ANKMY2: variants seen among roughly 807,000 people sequenced by gnomAD.
ANKMY2 encodes ankyrin repeat and MYND domain containing 2, also known as ankyrin repeat and MYND domain-containing protein 2.
In ANKMY2, 36 loss-of-function variants were observed where a neutral mutation model predicts 50.4. The ratio of observed to expected loss-of-function variants is 0.71; its 90% confidence interval spans 0.55 to 0.94. The LOEUF is 0.94. Ranked by LOEUF, ANKMY2 falls within the 40% of genes least tolerant of loss-of-function variation. The pLI is 0.00. For synonymous variants in ANKMY2, 187 were observed against 178.8 expected (o/e 1.05, Z -0.36); for missense variants, 565 against 524.0 (o/e 1.08, Z -0.76).
intron 7 of ANKMY2, among the ~76,000 whole-genome samples, chr7:16,605,487 A>G (rs1781140442): frequency 6.6e-6 from 1 of 151,944 alleles, no homozygotes; most frequent in Admixed American, 6.6e-5. Context: ...AGGTTAAAAA[A>G]TATTTATAAT....
intron 4 of ANKMY2, among the ~76,000 whole-genome samples, chr7:16,622,542 G>A (rs764636919): frequency 2.0e-5 from 3 of 151,984 alleles, no homozygotes; most frequent in Non-Finnish European, 2.9e-5. Flanking sequence ...TTCAAGACCA[G>A]CCTGACCAAC....
intron 1 of ANKMY2, among the ~76,000 whole-genome samples, chr7:16,638,947 C>A (rs905828702): frequency 1.3e-5 from 2 of 152,096 alleles, no homozygotes; most frequent in Non-Finnish European, 2.9e-5. Flanking sequence ...CTTATTATAT[C>A]CTACATGTAC....
At chr7:16,609,265 A>G (rs1781207716) in intron 7 of ANKMY2, among the ~76,000 whole-genome samples, 1 of 152,142 alleles carries the variant, frequency 6.6e-6, no homozygotes, top group Non-Finnish European at 1.5e-5. Flanking sequence ...CTAGGTGATC[A>G]ATTCATACTT....
chr7:16,619,640 T>C (rs981757785), intron 4 of ANKMY2, among the ~76,000 whole-genome samples: 1 of 152,144 alleles, frequency 6.6e-6, no homozygotes. Context: ...ATGTTTGTAA[T>C]TGAAATTCTT....
intron 7 of ANKMY2, among the ~76,000 whole-genome samples, chr7:16,608,048 T>A (rs1781188892): frequency 6.6e-6 from 1 of 152,040 alleles, no homozygotes; most frequent in Non-Finnish European, 1.5e-5. Context: ...CTCGTAACCA[T>A]GAGATCATAA....
intron 7 of ANKMY2, among the ~76,000 whole-genome samples, chr7:16,605,641 G>GCGCCCGCCACTA (rs1313617869): frequency 6.7e-6 from 1 of 149,056 alleles, no homozygotes; most frequent in African/African-American, 2.5e-5. Flanking sequence ...GGGATTGCAG[G>GCGCCCGCCACTA]CGCCCGCCAC....
At chr7:16,645,158 C>T (rs990190828) in intron 1 of ANKMY2, among the ~76,000 whole-genome samples, 3 of 152,088 alleles carry the variant, frequency 2.0e-5, no homozygotes, top group African/African-American at 7.2e-5. Flanking sequence ...CAGGACTGAC[C>T]GCGGTCAAAA....
intron 7 of ANKMY2, among the ~76,000 whole-genome samples, chr7:16,607,491 C>T (rs999740877): frequency 5.3e-5 from 8 of 151,998 alleles, no homozygotes; most frequent in African/African-American, 1.9e-4. Flanking sequence ...TCGCTTGAAC[C>T]CGGAAGACTG....
chr7:16,602,378 A>C lies in ANKMY2; in HGVS notation c.1141+2T>G. The C allele has an allele frequency of 6.2e-7, 1 of 1,612,026 alleles. No homozygotes were observed. Among genetic ancestry groups the C allele is most frequent in the Non-Finnish European group, 8.5e-7 (1 of 1,179,552 alleles). On this transcript the variant is annotated splice_donor_variant, in intron 9 of 9. Coordinates refer to ENST00000306999, the MANE Select transcript of ANKMY2 (RefSeq NM_020319.3). LOFTEE classifies it high-confidence loss of function. ...GAGTGAACTCGGTTTTTATATACAT[A>C]CGGTTTTCCTCTTGTCTCTTTTCTT...
chr7:16,644,657 A>G, intron 1 of ANKMY2: 1 of 470,986 alleles, frequency 2.1e-6, no homozygotes. Flanking sequence ...GAGGGTGCAG[A>G]AGAAGCATGC....
intron 5 of ANKMY2, among the ~76,000 whole-genome samples, chr7:16,613,460 A>C (rs1162827653): frequency 6.6e-6 from 1 of 152,206 alleles, no homozygotes; most frequent in Non-Finnish European, 1.5e-5. Context: ...GGATAAAAGA[A>C]AAGGTTTCGA....
intron 8 of ANKMY2, chr7:16,603,591 T>C (rs1243132981): frequency 6.4e-6 from 3 of 471,050 alleles, no homozygotes; most frequent in Non-Finnish European, 1.3e-5. Flanking sequence ...ATATATTGTA[T>C]TATTGGCCCC....
intron 4 of ANKMY2, among the ~76,000 whole-genome samples, chr7:16,624,326 A>G (rs1344181218): frequency 1.3e-5 from 2 of 152,150 alleles, no homozygotes; most frequent in African/African-American, 2.4e-5. Flanking sequence ...CCAAAGAACA[A>G]GAATTCACTC....
intron 1 of ANKMY2, among the ~76,000 whole-genome samples, chr7:16,642,515 G>A (rs1205162296): frequency 6.6e-6 from 1 of 152,130 alleles, no homozygotes; most frequent in Non-Finnish European, 1.5e-5. Context: ...TGGCAGATGG[G>A]AATCACTTAA....
chr7:16,609,153 A>G (rs1159997611), intron 7 of ANKMY2, among the ~76,000 whole-genome samples: 1 of 152,208 alleles, frequency 6.6e-6, no homozygotes, highest in Non-Finnish European at 1.5e-5. Flanking sequence ...ATTAAGGTGG[A>G]TTATAGGAAG....
chr7:16,618,270 G>A (rs1273174236), intron 4 of ANKMY2, among the ~76,000 whole-genome samples: 9 of 152,056 alleles, frequency 5.9e-5, no homozygotes, highest in African/African-American at 2.2e-4. Context: ...TCAAGCCTGG[G>A]TAACAGACAC....
chr7:16,600,949 A>G lies in ANKMY2; in HGVS notation c.1142-4T>C. 3 of 1,575,732 alleles carry G rather than the reference A, an allele frequency of 1.9e-6. No individual in the cohort carries two copies. Among genetic ancestry groups the G allele is most frequent in the Non-Finnish European group, 2.6e-6 (3 of 1,160,486 alleles). On this transcript the variant is annotated splice_region_variant and splice_polypyrimidine_tract_variant and intron_variant, in intron 9 of 9. Transcript: ENST00000306999. ...GAATTGACATCAAGTTTGCCGTCTG[A>G]TTAAAAAAAGAAGAAGTTATTTTGT...
chr7:16,610,579 C>T lies in ANKMY2; in HGVS notation c.716G>A (p.Gly239Glu). 1 of 1,613,650 alleles carries T rather than the reference C, an allele frequency of 6.2e-7. No homozygotes were observed. ...GATCAAGGTGTCCAGTTTATTCTCT[C>T]CATCTTTTAAGAAGTTAATGCATTT... ...FQKCINFLKDGENKLDTLIKS... is the reference protein window; with the variant it reads ...FQKCINFLKDEENKLDTLIKS... Residue 239 changes from glycine (G) to glutamate (E), a missense_variant, in exon 6 of 10, where the codon GGA (glycine) becomes GAA (glutamate). Gly to Glu is a moderately conservative substitution (Grantham distance 98, BLOSUM62 -2). Transcript: ENST00000306999.
At chr7:16,622,179 T>C (rs17382514) in intron 4 of ANKMY2, among the ~76,000 whole-genome samples, 26,854 of 151,954 alleles carry the variant, frequency 0.18, 2,660 homozygotes, top group Middle Eastern at 0.26. Flanking sequence ...TGGATTTGTA[T>C]GCATAAAGCT....
Sources: gnomAD v4.1 joint callset for allele counts (sites outside exome capture counted in the v4.1 genomes callset) on GRCh38, gnomAD v4.1.1 for gene constraint, MANE v1.5 for transcripts, NCBI Gene and HGNC (gene_info 2026-07-23, HGNC 2026-07-21) for gene names.